Variants in KCTD16 observed in about 807,000 individuals in gnomAD.
The protein encoded by KCTD16 is potassium channel tetramerization domain containing 16, also known as BTB/POZ domain-containing protein KCTD16.
KCTD16 carries 13 observed loss-of-function variants against 33.2 expected under a neutral mutation model. The observed-to-expected ratio is 0.39, with a 90% CI of 0.25 to 0.62. The LOEUF (loss-of-function observed/expected upper bound fraction) is 0.62, where lower values mean the gene tolerates loss of function less well. KCTD16 is among the 20% of genes least tolerant of loss of function. The probability of loss-of-function intolerance (pLI) is 0.50; values close to 1 mark genes in which losing one functional copy is unlikely to be tolerated. For synonymous variants in KCTD16, 197 were observed against 195.3 expected, an observed-to-expected ratio of 1.01 and a Z score of -0.07; for missense variants, 441 against 525.1, an observed-to-expected ratio of 0.84 and a Z score of 1.57.
chr5:144,337,438 C>T (rs561624120), intron 3 of KCTD16, among the ~76,000 whole-genome samples: 81 of 151,862 alleles, frequency 5.3e-4, no homozygotes, highest in African/African-American at 1.9e-3. Context: ...ATCTGTTGGG[C>T]GTAAAGTATT....
intron 3 of KCTD16, among the ~76,000 whole-genome samples, chr5:144,400,869 A>C (rs1752687024): frequency 6.6e-6 from 1 of 152,242 alleles, no homozygotes; most frequent in South Asian, 2.1e-4. Flanking sequence ...GGAAGAAGTC[A>C]GTGATGTGAA....
In KCTD16 at chr5:144,279,333, G is replaced by T. The variant is rs370364576; in HGVS notation, c.832+71787G>T. On this transcript the variant is annotated intron_variant, in intron 3 of 3. Coordinates refer to ENST00000512467, the MANE Select transcript of KCTD16 (RefSeq NM_020768.4). ...TCGCAATGACCAGGAATTCAATTAT[G>T]ATGTTGAAGAGAAGTGGTAAAAGTG... is the stretch of plus-strand genomic sequence containing the variant. 1.2e-4 allele frequency among the ~76,000 whole-genome samples: 19 copies of T among 152,198 alleles called. No homozygotes were observed. The East Asian group carries it at 2.7e-3, about 22-fold the overall frequency.
intron 2 of KCTD16, among the ~76,000 whole-genome samples, chr5:144,199,005 C>A (rs1184245960): frequency 1.3e-5 from 2 of 152,126 alleles, no homozygotes; most frequent in East Asian, 3.8e-4. Context: ...ACTCTATTTC[C>A]TTAAGTTGCT....
chr5:144,296,577 A>T (rs1323083619), intron 3 of KCTD16, among the ~76,000 whole-genome samples: 2 of 152,204 alleles, frequency 1.3e-5, no homozygotes, highest in Non-Finnish European at 2.9e-5. Flanking sequence ...CTTTTAAAAA[A>T]TTCAACAATT....
chr5:144,224,486 C>CA (rs889797642), intron 3 of KCTD16, among the ~76,000 whole-genome samples: 13 of 130,528 alleles, frequency 1.0e-4, no homozygotes, highest in Admixed American at 1.8e-4. Context: ...TAATGGTAAA[C>CA]AAAAAAATCT....
chr5:144,452,165 T>TATATATATATATATATA (rs1561613198), intron 3 of KCTD16, among the ~76,000 whole-genome samples: 2 of 148,264 alleles, frequency 1.3e-5, no homozygotes, highest in African/African-American at 5.0e-5. Context: ...TATATATATA[T>TATATATATATATATATA]TCCTGTCACT....
intron 3 of KCTD16, among the ~76,000 whole-genome samples, chr5:144,406,579 G>A (rs1410576834): frequency 1.3e-5 from 2 of 152,118 alleles, no homozygotes; most frequent in East Asian, 3.9e-4. Context: ...CTGTGGTCGA[G>A]ATGCACCGGT....
intron 3 of KCTD16, among the ~76,000 whole-genome samples, chr5:144,335,541 G>A (rs1752464422): frequency 6.6e-6 from 1 of 151,738 alleles, no homozygotes; most frequent in South Asian, 2.1e-4. Flanking sequence ...TCTAGTGAAA[G>A]ACACACACAC....
At chr5:144,189,533 G>A (rs1460814532) in intron 2 of KCTD16, among the ~76,000 whole-genome samples, 1 of 151,810 alleles carries the variant, frequency 6.6e-6, no homozygotes, top group Admixed American at 6.6e-5. Flanking sequence ...AGAAAATGTA[G>A]AGCAGGTACA....
At position 144,477,576 on chromosome 5, in the gene KCTD16, T is replaced by C. The variant is rs1298407804; in HGVS notation, c.*3462T>C. The C allele has an allele frequency of 6.6e-6, 1 of 152,122 alleles. No homozygotes were observed. The highest frequency in any genetic ancestry group is 1.5e-5 in the Non-Finnish European group (1 of 68,018). 9.4% of individuals were successfully genotyped at this position (152,122 alleles called of 1,614,324 possible). A position where few individuals can be genotyped will look rare whatever the true frequency, so the allele number is the denominator to read the frequency against. On this transcript the variant is annotated 3_prime_UTR_variant, in exon 4 of 4. Coordinates refer to ENST00000512467, the MANE Select transcript of KCTD16 (RefSeq NM_020768.4). ...TCTGGGCCCCATTACTGCCTGCGCTTCTGGATTACTTTTGCTTTCCTGGGC... is the reference window on the plus strand; with the variant it reads ...TCTGGGCCCCATTACTGCCTGCGCTCCTGGATTACTTTTGCTTTCCTGGGC...
intron 3 of KCTD16, among the ~76,000 whole-genome samples, chr5:144,406,615 CA>C (rs1485990824): frequency 1.3e-5 from 2 of 152,182 alleles, no homozygotes; most frequent in Non-Finnish European, 1.5e-5. Flanking sequence ...TTCGTAATAA[CA>C]TTTACATCAC....
At chr5:144,197,543 G>A (rs1408220165) in intron 2 of KCTD16, among the ~76,000 whole-genome samples, 5 of 152,148 alleles carry the variant, frequency 3.3e-5, no homozygotes, top group Non-Finnish European at 7.3e-5. Context: ...AATATATATA[G>A]AGTGCTTACT....
rs200806853 is a variant in KCTD16 at position 144,207,191 on chromosome 5, C to G, written c.477C>G (p.Ala159=). The stretch of plus-strand genomic sequence containing the variant: ...GCCCCCCTTCCTCCCTGCTCCCTGC[C>G]GACCGCAAGTGGGGTTTCATTACTG... ...RICPPSSLLP[A]DRKWGFITVG... is the part of the protein sequence containing the mutation. The change falls in exon 3 of 4, where the codon GCC becomes GCG. Residue 159 remains alanine (A), a synonymous_variant. Coordinates refer to ENST00000512467, the MANE Select transcript of KCTD16 (RefSeq NM_020768.4). 1 of 1,613,286 alleles carries G rather than the reference C, an allele frequency of 6.2e-7. No homozygotes were observed. The highest frequency in any genetic ancestry group is 1.1e-5 in the South Asian group (1 of 90,964).
chr5:144,443,424 G>A (rs1753755950), intron 3 of KCTD16, among the ~76,000 whole-genome samples: 1 of 151,416 alleles, frequency 6.6e-6, no homozygotes, highest in African/African-American at 2.4e-5. Flanking sequence ...TTTTTCTGGA[G>A]AGAGAGTCTG....
chr5:144,212,243 G>A (rs1753419793), intron 3 of KCTD16, among the ~76,000 whole-genome samples: 1 of 152,056 alleles, frequency 6.6e-6, no homozygotes, highest in Admixed American at 6.6e-5. Flanking sequence ...CTGAGAATTG[G>A]GCTTAATAGA....
chr5:144,265,845 G>A lies in KCTD16; in HGVS notation c.832+58299G>A, dbSNP rs76404429. On this transcript the variant is annotated intron_variant, in intron 3 of 3. Transcript: ENST00000512467. ...GAGAAAACAAGCTCAGAAATATTAC[G>A]TAATGTGCCAAGTTCGTACAGGGAT... is the stretch of plus-strand genomic sequence containing the variant. 5.0e-4 allele frequency among the ~76,000 whole-genome samples: 76 copies of A among 152,204 alleles called. 7 individuals carry two copies. In the East Asian group the frequency reaches 0.013, roughly 27 times the overall value.
chr5:144,440,312 C>T (rs1753675602), intron 3 of KCTD16, among the ~76,000 whole-genome samples: 1 of 152,076 alleles, frequency 6.6e-6, no homozygotes, highest in South Asian at 2.1e-4. Flanking sequence ...TCACTATGCG[C>T]CATCGTCCTT....
intron 3 of KCTD16, among the ~76,000 whole-genome samples, chr5:144,249,779 C>G (rs1754645346): frequency 6.6e-6 from 1 of 152,188 alleles, no homozygotes; most frequent in Non-Finnish European, 1.5e-5. Flanking sequence ...AACCAGATAA[C>G]TTTCTCAAGG....
At chr5:144,284,785 G>A (rs547359877) in intron 3 of KCTD16, among the ~76,000 whole-genome samples, 1 of 152,120 alleles carries the variant, frequency 6.6e-6, no homozygotes. Context: ...ATTAGAAACA[G>A]AACATTGGTT....
Sources: gnomAD v4.1 joint callset for allele counts (sites outside exome capture counted in the v4.1 genomes callset) on GRCh38, gnomAD v4.1.1 for gene constraint, MANE v1.5 for transcripts, NCBI Gene and HGNC (gene_info 2026-07-23, HGNC 2026-07-21) for gene names.